Variants in SYT17 observed in about 807,000 individuals in gnomAD.
The protein encoded by SYT17 is synaptotagmin-17.
A neutral mutation model predicts 46.7 loss-of-function variants in SYT17; 22 were observed. That is an observed-to-expected ratio of 0.47 (90% confidence interval 0.34 to 0.67). The LOEUF (loss-of-function observed/expected upper bound fraction) is 0.67, where lower values mean the gene tolerates loss of function less well. Among genes scored for constraint, SYT17 ranks in the 30% least tolerant of loss-of-function variants. SYT17 has a pLI of 0.01. For synonymous variants in SYT17, 251 were observed against 248.4 expected, an observed-to-expected ratio of 1.01 and a Z score of -0.10; for missense variants, 519 against 612.8, an observed-to-expected ratio of 0.85 and a Z score of 1.62.
intron 7 of SYT17, among the ~76,000 whole-genome samples, chr16:19,233,327 CA>C (rs1966773135): frequency 6.6e-6 from 1 of 152,044 alleles, no homozygotes; most frequent in Admixed American, 6.6e-5. Context: ...GGAAAGACCC[CA>C]GGTCAAATGG....
chr16:19,256,858 A>T (rs1968611976), intron 7 of SYT17, among the ~76,000 whole-genome samples: 1 of 152,100 alleles, frequency 6.6e-6, no homozygotes, highest in Non-Finnish European at 1.5e-5. Flanking sequence ...GATTACAGGC[A>T]TAAGCCACTG....
chr16:19,246,302 A>T (rs1327044864), intron 7 of SYT17, among the ~76,000 whole-genome samples: 1 of 152,152 alleles, frequency 6.6e-6, no homozygotes, highest in African/African-American at 2.4e-5. Context: ...TATAATTTAT[A>T]TGTGTATATT....
intron 5 of SYT17, among the ~76,000 whole-genome samples, chr16:19,208,315 C>T (rs1965749646): frequency 1.3e-5 from 2 of 152,190 alleles, no homozygotes; most frequent in Non-Finnish European, 1.5e-5. Flanking sequence ...GTCCTTCACA[C>T]TGCTATAAAG....
intron 7 of SYT17, among the ~76,000 whole-genome samples, chr16:19,226,222 G>A (rs1227369775): frequency 6.6e-6 from 1 of 152,104 alleles, no homozygotes; most frequent in Non-Finnish European, 1.5e-5. Context: ...TCAAGCTCTG[G>A]TCTTGCCAGC....
At chr16:19,242,962 A>G (rs969896113) in intron 7 of SYT17, among the ~76,000 whole-genome samples, 2 of 152,176 alleles carry the variant, frequency 1.3e-5, no homozygotes, top group Non-Finnish European at 2.9e-5. Flanking sequence ...GCAAGGACTT[A>G]GCACACAGCA....
intron 7 of SYT17, among the ~76,000 whole-genome samples, chr16:19,235,035 G>C (rs368445188): frequency 6.6e-6 from 1 of 152,176 alleles, no homozygotes; most frequent in Admixed American, 6.5e-5. Context: ...GGGATTGGCA[G>C]TATGGGGAGA....
chr16:19,216,775 C>G (rs145118198), intron 5 of SYT17, among the ~76,000 whole-genome samples: 1 of 152,292 alleles, frequency 6.6e-6, no homozygotes, highest in East Asian at 1.9e-4. Flanking sequence ...TTTATCCTGT[C>G]TATCATTGTT....
At chr16:19,234,788 G>A (rs1164711175) in intron 7 of SYT17, among the ~76,000 whole-genome samples, 1 of 152,194 alleles carries the variant, frequency 6.6e-6, no homozygotes, top group Non-Finnish European at 1.5e-5. Flanking sequence ...TGGCCACTTG[G>A]AAAATTATAT....
intron 7 of SYT17, among the ~76,000 whole-genome samples, chr16:19,227,425 C>T (rs527515456): frequency 6.6e-6 from 1 of 151,208 alleles, no homozygotes; most frequent in Non-Finnish European, 1.5e-5. Context: ...AAGCAATTCT[C>T]GTGCCTCAGC....
intron 6 of SYT17, among the ~76,000 whole-genome samples, 175 bp from the exon 7 acceptor site, chr16:19,224,508 G>C (rs1346269022): frequency 1.3e-5 from 2 of 152,136 alleles, no homozygotes; most frequent in African/African-American, 4.8e-5. Flanking sequence ...TGGATGGATG[G>C]ATAAACAGGT....
At chr16:19,212,660 T>C (rs181792264) in intron 5 of SYT17, among the ~76,000 whole-genome samples, 162 of 152,240 alleles carry the variant, frequency 1.1e-3, no homozygotes, top group Admixed American at 1.9e-3. Flanking sequence ...GGAAGTGAGG[T>C]AATGGCATGG....
intron 7 of SYT17, among the ~76,000 whole-genome samples, chr16:19,257,584 G>T (rs924079688): frequency 6.6e-6 from 1 of 152,110 alleles, no homozygotes; most frequent in Non-Finnish European, 1.5e-5. Context: ...TGTAGACTGC[G>T]TTATGTCTCC....
rs1485810159 is a variant in SYT17 at position 19,177,578 on chromosome 16, C to T, written c.183-2813C>T. On this transcript the variant is annotated intron_variant, in intron 3 of 7. Coordinates refer to ENST00000355377, the MANE Select transcript of SYT17 (RefSeq NM_016524.4). Reference sequence around the variant, plus strand: ...AGTGTATGGGCTTTGCAGTGCTGTTCCTACTGCGACATTTGAGCCAAGAAC... The same window carrying T: ...AGTGTATGGGCTTTGCAGTGCTGTTTCTACTGCGACATTTGAGCCAAGAAC... 4.6e-5 allele frequency among the ~76,000 whole-genome samples: 7 copies of T among 152,182 alleles called. No homozygotes were observed. The East Asian group carries it at 1.3e-3, about 29-fold the overall frequency.
At chr16:19,214,527 A>T (rs1216082842) in intron 5 of SYT17, among the ~76,000 whole-genome samples, 1 of 152,108 alleles carries the variant, frequency 6.6e-6, no homozygotes, top group Non-Finnish European at 1.5e-5. Flanking sequence ...GTAGCATCTG[A>T]TACTTCTAGG....
chr16:19,181,337 G>A (rs545076317), intron 4 of SYT17, among the ~76,000 whole-genome samples: 1 of 152,304 alleles, frequency 6.6e-6, no homozygotes, highest in South Asian at 2.1e-4. Flanking sequence ...CTCCACAAAA[G>A]TATCTCTGCT....
At chr16:19,235,149 C>G (rs1966834487) in intron 7 of SYT17, among the ~76,000 whole-genome samples, 1 of 152,082 alleles carries the variant, frequency 6.6e-6, no homozygotes, top group African/African-American at 2.4e-5. Context: ...AAAAGTGAGC[C>G]CCTGAGAGCT....
chr16:19,235,734 G>A (rs1966841075), intron 7 of SYT17, among the ~76,000 whole-genome samples: 1 of 152,174 alleles, frequency 6.6e-6, no homozygotes, highest in Non-Finnish European at 1.5e-5. Flanking sequence ...CAGATCAACA[G>A]AGAAATAGAA....
At chr16:19,182,556 A>C (rs925028766) in intron 4 of SYT17, among the ~76,000 whole-genome samples, 36 of 152,190 alleles carry the variant, frequency 2.4e-4, no homozygotes, top group African/African-American at 8.7e-4. Context: ...GGGCCTAGGT[A>C]ATTTCTAAGT....
Position 19,168,348 on chromosome 16 carries a change from A to C in SYT17, c.-299A>C. 4 of 461,778 alleles carry C rather than the reference A, an allele frequency of 8.7e-6. No individual in the cohort carries two copies. Among genetic ancestry groups the C allele is most frequent in the East Asian group, 4.3e-5 (1 of 23,462 alleles). 28.6% of individuals were successfully genotyped at this position (461,778 alleles called of 1,614,324 possible). ...GCCCCGGCCTTATTCCAGCCTGGGGAGCGCCTCGGTGGGGAGCACGGGACA... is the reference window on the plus strand; with the variant it reads ...GCCCCGGCCTTATTCCAGCCTGGGGCGCGCCTCGGTGGGGAGCACGGGACA... On this transcript the variant is annotated 5_prime_UTR_variant, in exon 1 of 8. Coordinates refer to ENST00000355377, the MANE Select transcript of SYT17 (RefSeq NM_016524.4). The surrounding 1 kb of genome is among the most constrained non-coding windows in gnomAD (Gnocchi z 6.9).
Sources: allele counts gnomAD v4.1 joint callset (sites outside exome capture counted in the v4.1 genomes callset), GRCh38; gene constraint gnomAD v4.1.1; non-coding constraint Gnocchi (gnomAD v3.1); transcripts MANE v1.5; gene names NCBI Gene and HGNC (gene_info 2026-07-23, HGNC 2026-07-21).